The following INHA variants were observed in gnomAD, a reference collection of about 807,000 sequenced individuals.
The protein encoded by INHA is inhibin subunit alpha, also known as inhibin alpha chain.
Under a neutral mutation model 21.3 loss-of-function variants are expected in INHA, and 8 were observed. The ratio of observed to expected loss-of-function variants is 0.38; its 90% CI spans 0.22 to 0.68. The LOEUF (loss-of-function observed/expected upper bound fraction) is 0.68, where lower values mean the gene tolerates loss of function less well. INHA is among the 30% of genes least tolerant of loss of function. INHA has a pLI of 0.53. For synonymous variants in INHA, 231 were observed against 207.5 expected (o/e 1.11, Z -0.97); for missense variants, 436 against 465.8 (o/e 0.94, Z 0.59).
Position 219,575,258 on chromosome 2 carries a change from G to T in INHA, c.833G>T (p.Arg278Leu). The T allele has an allele frequency of 6.2e-7, 1 of 1,614,230 alleles. No homozygotes were observed. Among genetic ancestry groups the T allele is most frequent in the Non-Finnish European group, 8.5e-7 (1 of 1,180,026 alleles). The change falls in exon 2 of 2, where the codon CGG becomes CTG. Residue 278 changes from arginine (R) to leucine (L), a missense_variant. Transcript: ENST00000243786. ...NISFQELGWE[R>L]WIVYPPSFIF... ...TCCTTCCAGGAGCTGGGCTGGGAAC[G>T]GTGGATCGTGTACCCTCCCAGTTTC...
Position 219,572,500 on chromosome 2 carries a change from GC to G in INHA, c.132del (p.Ala45ArgfsTer2). The part of the protein sequence containing the change: ...VRALFLDALG[P>X]PAVTREGGDP... ...GGGCCCTGTTCTTGGATGCCTTGGGGCCCCCCGCGGTGACCAGGGAAGGTGG... is the reference window on the plus strand; with the variant it reads ...GGGCCCTGTTCTTGGATGCCTTGGGGCCCCCGCGGTGACCAGGGAAGGTGG... On this transcript the variant is annotated frameshift_variant, in exon 1 of 2. Transcript: ENST00000243786. LOFTEE classifies it high-confidence loss of function. The G allele has an allele frequency of 5.0e-6, 8 of 1,611,336 alleles. No individual in the cohort carries two copies. The highest frequency in any genetic ancestry group is 6.8e-6 in the Non-Finnish European group (8 of 1,178,754).
In INHA at chr2:219,573,228, G is replaced by A. The variant is rs559543123; in HGVS notation, c.268+586G>A. Among the ~76,000 whole-genome samples, 10 of 149,848 alleles carry A rather than the reference G, an allele frequency of 6.7e-5. No homozygotes were observed. In the South Asian group the frequency reaches 1.3e-3, roughly 19 times the overall value. On this transcript the variant is annotated intron_variant, in intron 1 of 1. Coordinates refer to ENST00000243786, the MANE Select transcript of INHA (RefSeq NM_002191.4). ...ACCCCTGCCTCCCTCACTTCAGTCCGTTCGCAGCACAGTGGGGAGAAGGAT... is the reference window on the plus strand; with the variant it reads ...ACCCCTGCCTCCCTCACTTCAGTCCATTCGCAGCACAGTGGGGAGAAGGAT...
intron 1 of INHA, 131 bp from the exon 2 acceptor site, chr2:219,574,563 C>T (rs1052655064): frequency 1.9e-5 from 14 of 720,598 alleles, no homozygotes; most frequent in Non-Finnish European, 3.2e-5. Context: ...CCCCACGTCC[C>T]GGAGGGCGTG....
chr2:219,572,695 G>A, intron 1 of INHA, 53 bp downstream of exon 1: 1 of 1,546,216 alleles, frequency 6.5e-7, no homozygotes. Flanking sequence ...GCAAGGCACA[G>A]CATGGGTTTG....
intron 1 of INHA, among the ~76,000 whole-genome samples, 183 bp downstream of exon 1, chr2:219,572,825 C>G (rs1697444475): frequency 6.6e-6 from 1 of 152,228 alleles, no homozygotes; most frequent in African/African-American, 2.4e-5. Flanking sequence ...GGCTAATGCC[C>G]ACCTCTCAGG....
In INHA at chr2:219,575,042, C is replaced by T. The variant is rs1373497202; in HGVS notation, c.617C>T (p.Ser206Leu). The T allele has an allele frequency of 1.9e-6, 3 of 1,613,442 alleles. No homozygotes were observed. The highest frequency in any genetic ancestry group is 1.7e-6 in the Non-Finnish European group (2 of 1,180,028). The change falls in exon 2 of 2, where the codon TCA becomes TTA. Residue 206 changes from serine (S) to leucine (L), a missense_variant. Ser to Leu is a moderately radical substitution (Grantham distance 145). Coordinates refer to ENST00000243786, the MANE Select transcript of INHA (RefSeq NM_002191.4). ...CTGCGCTGTCCCCTCTGTACCTGCT[C>T]AGCCCGGCCTGAGGCCACGCCCTTC... is the stretch of plus-strand genomic sequence containing the variant. Reference protein sequence around the residue: ...LLLRCPLCTCSARPEATPFLV... With the variant: ...LLLRCPLCTCLARPEATPFLV...
In INHA at chr2:219,575,064, C is replaced by T; in HGVS notation, c.639C>T (p.Pro213=). The T allele has an allele frequency of 6.2e-7, 1 of 1,613,818 alleles. No homozygotes were observed. The highest frequency in any genetic ancestry group is 8.5e-7 in the Non-Finnish European group (1 of 1,180,034). The change falls in exon 2 of 2, where the codon CCC becomes CCT. Residue 213 remains proline, a synonymous_variant. Transcript: ENST00000243786. ...GCTCAGCCCGGCCTGAGGCCACGCC[C>T]TTCCTGGTGGCCCACACTCGGACCA... ...CTCSARPEAT[P]FLVAHTRTRP... is the part of the protein sequence containing the mutation.
intron 1 of INHA, among the ~76,000 whole-genome samples, chr2:219,573,702 C>T (rs1035125503): frequency 1.3e-4 from 19 of 151,874 alleles, no homozygotes; most frequent in African/African-American, 4.6e-4. Context: ...AGGCCGGGCG[C>T]GGTGGCTCAC....
chr2:219,574,196 T>C (rs1190642460), intron 1 of INHA, among the ~76,000 whole-genome samples: 1 of 148,704 alleles, frequency 6.7e-6, no homozygotes, highest in Non-Finnish European at 1.5e-5. Flanking sequence ...GGAGGATTGC[T>C]TGAGCCCAGG....
At position 219,572,535 on chromosome 2, in the gene INHA, G is replaced by A. The variant is rs1697431229; in HGVS notation, c.161G>A (p.Gly54Glu). The change falls in exon 1 of 2, where the codon GGA (glycine) becomes GAA (glutamate). Residue 54 changes from glycine to glutamate, a missense_variant. Gly to Glu is a moderately conservative substitution (Grantham distance 98, BLOSUM62 -2). Coordinates refer to ENST00000243786, the MANE Select transcript of INHA (RefSeq NM_002191.4). ...PAVTREGGDPGVRRLPRRHAL... is the reference protein window; with the variant it reads ...PAVTREGGDPEVRRLPRRHAL... ...GTGACCAGGGAAGGTGGGGACCCTG[G>A]AGTCAGGCGGCTGCCCCGAAGACAT... 6 of 1,590,614 alleles carry A rather than the reference G, an allele frequency of 3.8e-6. No homozygotes were observed. Among genetic ancestry groups the A allele is most frequent in the Non-Finnish European group, 5.1e-6 (6 of 1,167,996 alleles).
rs1416750463 is a variant in INHA, at chr2:219,574,952, G to A, written c.527G>A (p.Trp176Ter). 1 of 1,613,970 alleles carries A rather than the reference G, an allele frequency of 6.2e-7. No individual in the cohort carries two copies. The highest frequency in any genetic ancestry group is 8.5e-7 in the Non-Finnish European group (1 of 1,180,036). ...TCTTTGGGCCATGCTCCCCCTCACT[G>A]GGCCGTGCTGCACCTGGCCACCTCT... The part of the protein sequence containing the change: ...PMSLGHAPPH[W>*]AVLHLATSAL... The change falls in exon 2 of 2, where the codon TGG becomes TAG. Residue 176 changes from tryptophan (W) to a stop codon, truncating the protein, a stop_gained. Coordinates refer to ENST00000243786, the MANE Select transcript of INHA (RefSeq NM_002191.4). LOFTEE classifies it high-confidence loss of function.
At position 219,575,114 on chromosome 2, in the gene INHA, C is replaced by G. The variant is rs768319710; in HGVS notation, c.689C>G (p.Ala230Gly). The change falls in exon 2 of 2, where the codon GCC becomes GGC. Residue 230 changes from alanine to glycine, a missense_variant. Physicochemically the swap from Ala to Gly is moderately conservative, Grantham distance 60 (BLOSUM62 0). Transcript: ENST00000243786. ...AGACCACCCAGTGGAGGGGAGAGAG[C>G]CCGACGCTCAACTCCCCTGATGTCC... The part of the protein sequence containing the change: ...RTRPPSGGER[A>G]RRSTPLMSWP... 1.2e-6 allele frequency: 2 copies of G among 1,614,130 alleles called. No homozygotes were observed. Among genetic ancestry groups the G allele is most frequent in the East Asian group, 4.5e-5 (2 of 44,890 alleles).
Position 219,575,496 on chromosome 2 carries a change from CCTTCTCACGCAGCA to C in INHA, c.1074_1087del (p.Leu359CysfsTer12). 2 of 1,613,780 alleles carry C rather than the reference CCTTCTCACGCAGCA, an allele frequency of 1.2e-6. No homozygotes were observed. The highest frequency in any genetic ancestry group is 1.7e-6 in the Non-Finnish European group (2 of 1,179,934). ...CTTTCAAGTATGAGACAGTGCCCAA[CCTTCTCACGCAGCA>C]CTGTGCTTGTATCTAAGGGTGGGGG... On this transcript the variant is annotated frameshift_variant, in exon 2 of 2. Transcript: ENST00000243786. LOFTEE classifies it high-confidence loss of function.
intron 1 of INHA, among the ~76,000 whole-genome samples, chr2:219,573,536 T>G (rs1697468744): frequency 6.6e-6 from 1 of 151,722 alleles, no homozygotes. Context: ...CTTCCCCCTC[T>G]TCCTTGTTCT....
intron 1 of INHA, 33 bp from the exon 2 acceptor site, chr2:219,574,661 G>A: frequency 6.4e-7 from 1 of 1,565,358 alleles, no homozygotes; most frequent in Non-Finnish European, 8.7e-7. Context: ...GCCAGTCAGG[G>A]CTGCCCTCTC....
chr2:219,572,781 T>G, intron 1 of INHA, 139 bp downstream of exon 1: 1 of 910,100 alleles, frequency 1.1e-6, no homozygotes, highest in Non-Finnish European at 1.7e-6. Flanking sequence ...GTTACTAAAC[T>G]TCCTTATGCT....
chr2:219,572,435 G>A lies in INHA; in HGVS notation c.61G>A (p.Gly21Arg). The A allele has an allele frequency of 6.2e-7, 1 of 1,614,064 alleles. No individual in the cohort carries two copies. Among genetic ancestry groups the A allele is most frequent in the Non-Finnish European group, 8.5e-7 (1 of 1,180,022 alleles). ...LTPQGGHSCQ[G>R]LELARELVLA... is the part of the protein sequence containing the mutation. The stretch of plus-strand genomic sequence containing the variant: ...CCCACAGGGTGGGCACAGCTGCCAG[G>A]GGCTGGAGCTGGCCCGGGAACTTGT... The change falls in exon 1 of 2, where the codon GGG (glycine) becomes AGG (arginine). Residue 21 changes from glycine (G) to arginine (R), a missense_variant. Transcript: ENST00000243786.
chr2:219,572,415 A>G lies in INHA; in HGVS notation c.41A>G (p.Gln14Arg). 6.2e-7 allele frequency: 1 copy of G among 1,614,018 alleles called. No individual in the cohort carries two copies. The highest frequency in any genetic ancestry group is 8.5e-7 in the Non-Finnish European group (1 of 1,180,016). Reference sequence around the variant, plus strand: ...CTGCTCTTCTTGCTGCTGACCCCACAGGGTGGGCACAGCTGCCAGGGGCTG... The same window carrying G: ...CTGCTCTTCTTGCTGCTGACCCCACGGGGTGGGCACAGCTGCCAGGGGCTG... Reference protein sequence around the residue: ...HLLLFLLLTPQGGHSCQGLEL... With the variant: ...HLLLFLLLTPRGGHSCQGLEL... The change falls in exon 1 of 2, where the codon CAG (glutamine) becomes CGG (arginine). Residue 14 changes from glutamine (Q) to arginine (R), a missense_variant. Gln to Arg is a conservative substitution (Grantham distance 43, BLOSUM62 1). Transcript: ENST00000243786.
Position 219,575,368 on chromosome 2 carries a change from G to A in INHA, c.943G>A (p.Ala315Thr). Residue 315 changes from alanine (A) to threonine (T), a missense_variant, in exon 2 of 2, where the codon GCC (alanine) becomes ACC (threonine). Coordinates refer to ENST00000243786, the MANE Select transcript of INHA (RefSeq NM_002191.4). ...LPVPGAPPTPAQPYSLLPGAQ... is the reference protein window; with the variant it reads ...LPVPGAPPTPTQPYSLLPGAQ... ...AGTCCCTGGGGCTCCCCCTACCCCA[G>A]CCCAGCCCTACTCCTTGCTGCCAGG... 6.2e-7 allele frequency: 1 copy of A among 1,614,132 alleles called. No individual in the cohort carries two copies. Among genetic ancestry groups the A allele is most frequent in the Non-Finnish European group, 8.5e-7 (1 of 1,180,008 alleles).
Sources: gnomAD v4.1 joint callset for allele counts (sites outside exome capture counted in the v4.1 genomes callset) on GRCh38, gnomAD v4.1.1 for gene constraint, MANE v1.5 for transcripts, NCBI Gene and HGNC (gene_info 2026-07-23, HGNC 2026-07-21) for gene names.